ZBTB37: variants seen among roughly 807,000 people sequenced by gnomAD.
ZBTB37 encodes zinc finger and BTB domain-containing protein 37.
A neutral mutation model predicts 37.7 loss-of-function variants in ZBTB37; 15 were observed. That is an observed-to-expected ratio of 0.40 (90% CI 0.27 to 0.61). The LOEUF (loss-of-function observed/expected upper bound fraction) is 0.61, where lower values mean the gene tolerates loss of function less well. Ranked by LOEUF, ZBTB37 falls within the 20% of genes least tolerant of loss-of-function variation. ZBTB37 has a pLI of 0.44. For synonymous variants in ZBTB37, 231 were observed against 220.6 expected (o/e 1.05, Z -0.42); for missense variants, 514 against 641.9 (o/e 0.80, Z 2.15).
At chr1:173,872,194 G>T (rs549146586) in intron 3 of ZBTB37, among the ~76,000 whole-genome samples, 3 of 151,938 alleles carry the variant, frequency 2.0e-5, no homozygotes, top group African/African-American at 7.2e-5. Flanking sequence ...TCAGCCTCCC[G>T]AGTAGCTGGG....
At chr1:173,873,391 A>AG (rs2102722027) in intron 3 of ZBTB37, 76 bp from the exon 4 acceptor site, 1 of 1,441,830 alleles carries the variant, frequency 6.9e-7, no homozygotes, top group South Asian at 1.5e-5. Context: ...TAGAATAAAG[A>AG]GGGGCGACAT....
downstream of ZBTB37, chr1:173,888,829 A>G (rs556989165): frequency 6.6e-6 from 1 of 152,352 alleles, no homozygotes; most frequent in South Asian, 2.1e-4. Flanking sequence ...GAAGTGCAGT[A>G]ATTTCTGTAA....
chr1:173,894,830 T>G (rs1224898787), exon 4 of ZBTB37: 1 of 152,200 alleles, frequency 6.6e-6, no homozygotes, highest in Non-Finnish European at 1.5e-5. Context: ...TTGTCTTGAC[T>G]CTTTGGTGTT....
downstream of ZBTB37, chr1:173,887,885 G>A (rs951609338): frequency 6.6e-6 from 1 of 152,178 alleles, no homozygotes. Flanking sequence ...AAGGTGGGTA[G>A]AAAAGAAAGA....
At chr1:173,889,178 T>C (rs970076613), downstream of ZBTB37, 3 of 152,244 alleles carry the variant, frequency 2.0e-5, no homozygotes, top group Non-Finnish European at 4.4e-5. Flanking sequence ...GATGTTGTTA[T>C]TCTAAATAAC....
rs555583797 is a variant in ZBTB37 at position 173,874,966 on chromosome 1, T to C, written c.1023+1400T>C. Among the ~76,000 whole-genome samples the C allele has an allele frequency of 1.7e-3, 253 of 152,118 alleles. 1 individual carries two copies. Among genetic ancestry groups the C allele is most frequent in the African/African-American group, 5.8e-3 (240 of 41,492 alleles). On this transcript the variant is annotated intron_variant, in intron 4 of 4. Transcript: ENST00000427304. The stretch of plus-strand genomic sequence containing the variant: ...AATACACTTTCGATGTCAGCAGAGT[T>C]TGGGAAATATAAAAAAGTAAGATTG...
chr1:173,891,526 T>G (rs1188827279), downstream of ZBTB37: 1 of 152,242 alleles, frequency 6.6e-6, no homozygotes, highest in Non-Finnish European at 1.5e-5. Flanking sequence ...AAATACATAT[T>G]GGACCATTAA....
exon 4 of ZBTB37, chr1:173,901,300 T>C (rs1657248465): frequency 6.6e-6 from 1 of 152,212 alleles, no homozygotes; most frequent in Non-Finnish European, 1.5e-5. Context: ...TGCTATGATC[T>C]CTGTTCACAG....
At chr1:173,871,834 T>C (rs999140736) in intron 3 of ZBTB37, among the ~76,000 whole-genome samples, 1 of 152,158 alleles carries the variant, frequency 6.6e-6, no homozygotes, top group Non-Finnish European at 1.5e-5. Context: ...TATTAGACAT[T>C]TCTTTTTGGT....
chr1:173,896,593 G>A (rs1441837763), exon 4 of ZBTB37: 1 of 152,116 alleles, frequency 6.6e-6, no homozygotes, highest in African/African-American at 2.4e-5. Context: ...CAGAAAAAGG[G>A]GAACCTTGTA....
downstream of ZBTB37, chr1:173,887,141 A>G (rs1054362681): frequency 6.6e-6 from 1 of 152,238 alleles, no homozygotes; most frequent in Non-Finnish European, 1.5e-5. Context: ...TCCATATTTG[A>G]TAACTTTTAT....
chr1:173,895,291 C>T (rs1053155969), exon 4 of ZBTB37: 3 of 152,188 alleles, frequency 2.0e-5, no homozygotes, highest in Admixed American at 6.5e-5. Flanking sequence ...TTTTTAGAGA[C>T]GGGATCTCAC....
rs534069746 is a variant in ZBTB37 at position 173,900,616 on chromosome 1, G to A, written c.*14492G>A. Reference sequence around the variant, plus strand: ...TTTATATATTGCTTACAAGTACGTGGTAATTTGAACTTCAGTAGGTGATAT... The same window carrying A: ...TTTATATATTGCTTACAAGTACGTGATAATTTGAACTTCAGTAGGTGATAT... On this transcript the variant is annotated 3_prime_UTR_variant, in exon 4 of 4. Coordinates refer to the ZBTB37 transcript ENST00000367701. 3.9e-5 allele frequency: 6 copies of A among 152,312 alleles called. No individual in the cohort carries two copies. In the South Asian group the frequency reaches 1.2e-3, roughly 32 times the overall value. The allele number at this position is 152,312 out of a possible 1,614,324, so 9.4% of individuals were successfully genotyped here. A position where few individuals can be genotyped will look rare whatever the true frequency, so the allele number is the denominator to read the frequency against.
chr1:173,870,913 G>C lies in ZBTB37; in HGVS notation c.688G>C (p.Gly230Arg), dbSNP rs768450282. 1.2e-5 allele frequency: 20 copies of C among 1,614,116 alleles called. No homozygotes were observed. In the South Asian group the frequency reaches 1.9e-4, roughly 15 times the overall value. The change falls in exon 3 of 5, where the codon GGG becomes CGG. Residue 230 changes from glycine to arginine, a missense_variant. By Grantham distance (125) the Gly-to-Arg change is moderately radical. Coordinates refer to ENST00000427304, the Ensembl canonical transcript of ZBTB37. ...TGTGGAGACAGGAGTGGCGGACCGT[G>C]GGGGTCGGAGTGATGATGAAGTTAG... is the stretch of plus-strand genomic sequence containing the variant.
intron 3 of ZBTB37, 113 bp from the exon 4 acceptor site, chr1:173,873,354 C>T: frequency 9.5e-7 from 1 of 1,057,904 alleles, no homozygotes; most frequent in African/African-American, 1.6e-5. Context: ...TTATTTGTTG[C>T]TTGGTTTGTT....
At chr1:173,884,204 T>C (rs1572068675) in intron 4 of ZBTB37, among the ~76,000 whole-genome samples, 1 of 151,146 alleles carries the variant, frequency 6.6e-6, no homozygotes, top group South Asian at 2.1e-4. Flanking sequence ...CAGCCTGGAG[T>C]GCAGTGGCCT....
exon 4 of ZBTB37, chr1:173,903,121 C>T (rs1468271280): frequency 6.6e-6 from 1 of 152,114 alleles, no homozygotes; most frequent in African/African-American, 2.4e-5. Context: ...CAGATTTGTT[C>T]TCCCTTCATT....
At chr1:173,871,853 C>T (rs1655588110) in intron 3 of ZBTB37, among the ~76,000 whole-genome samples, 1 of 151,876 alleles carries the variant, frequency 6.6e-6, no homozygotes. Flanking sequence ...GTGGAAATAC[C>T]ATGGGTTTCA....
Position 173,896,056 on chromosome 1 carries a change from C to G in ZBTB37, c.*9932C>G, listed in dbSNP as rs548198891. On this transcript the variant is annotated 3_prime_UTR_variant, in exon 4 of 4. Transcript: ENST00000367701. ...GGTCAGGCCTTAGCAATTACAAATA[C>G]AGGAAATAAAGGGGTACTCAATGCT... 7 of 152,220 alleles carry G rather than the reference C, an allele frequency of 4.6e-5. No individual in the cohort carries two copies. In the South Asian group the frequency reaches 1.5e-3, roughly 32 times the overall value. 9.4% of individuals were successfully genotyped at this position (152,220 alleles called of 1,614,324 possible).
Sources: gnomAD v4.1 joint callset for allele counts (sites outside exome capture counted in the v4.1 genomes callset) on GRCh38, gnomAD v4.1.1 for gene constraint, MANE v1.5 for transcripts, NCBI Gene and HGNC (gene_info 2026-07-23, HGNC 2026-07-21) for gene names.